PPP1CB: variants seen among roughly 807,000 people sequenced by gnomAD.
PPP1CB encodes protein phosphatase 1 catalytic subunit beta.
A neutral mutation model predicts 43.7 loss-of-function variants in PPP1CB; 2 were observed. The observed-to-expected ratio is 0.05, with a 90% CI of 0.02 to 0.14. The LOEUF (loss-of-function observed/expected upper bound fraction) is 0.14, where lower values mean the gene tolerates loss of function less well. PPP1CB is among the 10% of genes least tolerant of loss of function. PPP1CB has a pLI of 1.00. For synonymous variants in PPP1CB, 136 were observed against 135.6 expected, an observed-to-expected ratio of 1.00 and a Z score of -0.02; for missense variants, 84 against 398.0, an observed-to-expected ratio of 0.21 and a Z score of 6.71.
chr2:28,781,600 A>C (rs1667159389), intron 3 of PPP1CB, 138 bp from the exon 4 acceptor site: 2 of 635,704 alleles, frequency 3.1e-6, no homozygotes, highest in South Asian at 4.1e-5. Context: ...ACATCTTTGC[A>C]TTGTAGAAAA....
chr2:28,785,943 C>T (rs188508186), intron 5 of PPP1CB, among the ~76,000 whole-genome samples: 6 of 152,030 alleles, frequency 3.9e-5, no homozygotes, highest in Admixed American at 2.0e-4. Context: ...CTGTTTTTAG[C>T]ATGTTTTATT....
intron 1 of PPP1CB, among the ~76,000 whole-genome samples, chr2:28,776,265 G>GT (rs111463886): frequency 0.02 from 2,876 of 146,686 alleles, 44 homozygotes; most frequent in Non-Finnish European, 0.03. Flanking sequence ...CTGTTTGTTT[G>GT]TTTTTTTTTT....
Position 28,752,728 on chromosome 2 carries a change from TAAAG to T in PPP1CB, c.52+554_52+557del, listed in dbSNP as rs373524341. On this transcript the variant is annotated intron_variant, in intron 1 of 7. Transcript: ENST00000395366. ...AATGCTATATAGAATGGATTCTTCTTAAAGAGAGGATAAAATTAGCGGGAATTAA... is the reference window on the plus strand; with the variant it reads ...AATGCTATATAGAATGGATTCTTCTTAGAGGATAAAATTAGCGGGAATTAA... Among the ~76,000 whole-genome samples the T allele has an allele frequency of 3.0e-4, 45 of 152,322 alleles. No homozygotes were observed. The East Asian group carries it at 8.3e-3, about 28-fold the overall frequency.
chr2:28,760,870 A>G (rs1666626968), intron 1 of PPP1CB, among the ~76,000 whole-genome samples: 1 of 152,176 alleles, frequency 6.6e-6, no homozygotes, highest in Non-Finnish European at 1.5e-5. Flanking sequence ...ACTATCAAAT[A>G]CTTGAGCCAA....
intron 6 of PPP1CB, among the ~76,000 whole-genome samples, chr2:28,790,154 C>T (rs1003351974): frequency 2.0e-5 from 3 of 151,896 alleles, no homozygotes; most frequent in Admixed American, 6.6e-5. Flanking sequence ...GTGGTGTGCA[C>T]CTGTAGTCCC....
intron 5 of PPP1CB, among the ~76,000 whole-genome samples, chr2:28,784,942 GA>G (rs145970865): frequency 0.39 from 49,544 of 128,612 alleles, 10,883 homozygotes; most frequent in East Asian, 0.79. Flanking sequence ...AAAGAAAAAA[GA>G]AACAACAATC....
At chr2:28,799,146 C>T in intron 7 of PPP1CB, 53 bp from the exon 8 acceptor site, 2 of 1,249,752 alleles carry the variant, frequency 1.6e-6, no homozygotes, top group African/African-American at 1.5e-5. Flanking sequence ...TAACAATTTT[C>T]TTAACTTCTG....
chr2:28,773,867 G>A (rs1431240203), intron 1 of PPP1CB, among the ~76,000 whole-genome samples: 2 of 152,188 alleles, frequency 1.3e-5, no homozygotes, highest in East Asian at 1.9e-4. Flanking sequence ...CTCTTAAGAT[G>A]TGACTGATTA....
intron 4 of PPP1CB, chr2:28,782,055 AAG>A (rs1234715328): frequency 8.3e-6 from 5 of 599,446 alleles, no homozygotes; most frequent in Non-Finnish European, 1.5e-5. Flanking sequence ...TTTCACATAT[AAG>A]GAGTGTAACT....
intron 1 of PPP1CB, 25 bp from the exon 2 acceptor site, chr2:28,776,826 G>T: frequency 1.3e-6 from 2 of 1,576,674 alleles, no homozygotes; most frequent in South Asian, 2.3e-5. Context: ...TTAGAAAACT[G>T]ACTGTTTTAT....
chr2:28,799,128 C>A, intron 7 of PPP1CB, 71 bp from the exon 8 acceptor site: 1 of 1,080,430 alleles, frequency 9.3e-7, no homozygotes, highest in Non-Finnish European at 1.4e-6. Flanking sequence ...TATTGAAAAT[C>A]ACAATTGTAA....
At chr2:28,780,846 T>C (rs1440155492) in intron 3 of PPP1CB, among the ~76,000 whole-genome samples, 1 of 152,212 alleles carries the variant, frequency 6.6e-6, no homozygotes, top group Admixed American at 6.5e-5. Context: ...TATGCTAGGC[T>C]ACAGGAAAAT....
chr2:28,791,361 C>CAG (rs1186719390), intron 6 of PPP1CB, among the ~76,000 whole-genome samples: 1 of 151,962 alleles, frequency 6.6e-6, no homozygotes, highest in Non-Finnish European at 1.5e-5. Flanking sequence ...GACAGAGTCT[C>CAG]ACACTGTTTC....
At position 28,752,021 on chromosome 2, in the gene PPP1CB, C is replaced by A; in HGVS notation, c.-104C>A. On this transcript the variant is annotated 5_prime_UTR_variant, in exon 1 of 8. Coordinates refer to ENST00000395366, the MANE Select transcript of PPP1CB (RefSeq NM_002709.3). The stretch of plus-strand genomic sequence containing the variant: ...GGGGGAGTTGGAGCCGGGGTCGAAA[C>A]GCCGCGTGACTTGTAGGTGAGAGAA... 2 of 1,152,088 alleles carry A rather than the reference C, an allele frequency of 1.7e-6. No homozygotes were observed. The highest frequency in any genetic ancestry group is 2.5e-6 in the Non-Finnish European group (2 of 785,300). 71.4% of individuals were successfully genotyped at this position (1,152,088 alleles called of 1,614,324 possible). A position where few individuals can be genotyped will look rare whatever the true frequency, so the allele number is the denominator to read the frequency against.
chr2:28,776,760 T>C (rs1667053476), intron 1 of PPP1CB, 91 bp from the exon 2 acceptor site: 12 of 1,261,858 alleles, frequency 9.5e-6, no homozygotes, highest in Non-Finnish European at 1.1e-5. Flanking sequence ...TGTGTGACTT[T>C]TCTGATTTTT....
intron 6 of PPP1CB, 116 bp downstream of exon 6, chr2:28,788,925 T>A (rs1667330538): frequency 9.4e-7 from 1 of 1,060,802 alleles, no homozygotes; most frequent in South Asian, 1.8e-5. Flanking sequence ...TGGCGCAATC[T>A]CTGCTCACTG....
chr2:28,774,668 C>T (rs1398382489), intron 1 of PPP1CB, among the ~76,000 whole-genome samples: 3 of 152,166 alleles, frequency 2.0e-5, no homozygotes, highest in Non-Finnish European at 4.4e-5. Context: ...TCAGGTGATC[C>T]ACCCACCTCG....
At chr2:28,771,399 A>T (rs534974000) in intron 1 of PPP1CB, among the ~76,000 whole-genome samples, 13 of 125,532 alleles carry the variant, frequency 1.0e-4, no homozygotes, top group African/African-American at 3.6e-4. Context: ...GGGGCTAGAC[A>T]CAAGCCAATT....
At chr2:28,764,929 A>AT (rs1473925146) in intron 1 of PPP1CB, among the ~76,000 whole-genome samples, 7 of 151,468 alleles carry the variant, frequency 4.6e-5, no homozygotes, top group Non-Finnish European at 1.0e-4. Context: ...AAAAAAAAAA[A>AT]ATTTATGAGA....
Sources: allele counts gnomAD v4.1 joint callset (sites outside exome capture counted in the v4.1 genomes callset), GRCh38; gene constraint gnomAD v4.1.1; transcripts MANE v1.5; gene names NCBI Gene and HGNC (gene_info 2026-07-23, HGNC 2026-07-21).